Variants in CCDC6 observed in about 807,000 individuals in gnomAD.
CCDC6 encodes the protein coiled-coil domain containing 6.
CCDC6 carries 20 observed loss-of-function variants against 56.6 expected under a neutral mutation model. That is an observed-to-expected ratio of 0.35 (90% CI 0.25 to 0.51). The LOEUF is 0.51. Among genes scored for constraint, CCDC6 ranks in the 20% least tolerant of loss-of-function variants. The pLI is 0.95. For synonymous variants in CCDC6, 241 were observed against 234.4 expected, an observed-to-expected ratio of 1.03 and a Z score of -0.26; for missense variants, 367 against 601.1, an observed-to-expected ratio of 0.61 and a Z score of 4.07.
chr10:59,794,887 G>A (rs1039492476), intron 7 of CCDC6, among the ~76,000 whole-genome samples: 1 of 152,152 alleles, frequency 6.6e-6, no homozygotes, highest in African/African-American at 2.4e-5. Flanking sequence ...AACAGATGGT[G>A]TTGGGAAAAC....
intron 2 of CCDC6, among the ~76,000 whole-genome samples, chr10:59,841,205 T>C (rs1178934033): frequency 6.6e-6 from 1 of 152,148 alleles, no homozygotes; most frequent in Non-Finnish European, 1.5e-5. Context: ...GCAGGCACAA[T>C]CTTACTTCAA....
rs1390764439 is a variant in CCDC6, at chr10:59,792,454, T to C, written c.*463A>G. 1 of 436,520 alleles carries C rather than the reference T, an allele frequency of 2.3e-6. No individual in the cohort carries two copies. Among genetic ancestry groups the C allele is most frequent in the Non-Finnish European group, 4.3e-6 (1 of 231,324 alleles). 27.0% of individuals were successfully genotyped at this position (436,520 alleles called of 1,614,324 possible). A position where few individuals can be genotyped will look rare whatever the true frequency, so the allele number is the denominator to read the frequency against. On this transcript the variant is annotated 3_prime_UTR_variant, in exon 9 of 9. Coordinates refer to ENST00000263102, the MANE Select transcript of CCDC6 (RefSeq NM_005436.5). ...AAAGCCAGATTTTCAAAGGTCTGAA[T>C]TGTAGTGCTGAATTATTGGTATGTT...
chr10:59,870,490 T>C (rs904457636), intron 1 of CCDC6, among the ~76,000 whole-genome samples: 1 of 152,164 alleles, frequency 6.6e-6, no homozygotes, highest in South Asian at 2.1e-4. Flanking sequence ...GTCACCACTG[T>C]TGGATCATGA....
chr10:59,864,181 C>T (rs972788416), intron 1 of CCDC6, among the ~76,000 whole-genome samples: 3 of 152,112 alleles, frequency 2.0e-5, no homozygotes, highest in African/African-American at 7.2e-5. Context: ...GAAGAAAGTT[C>T]CCCCCACCTT....
rs76856655 is a variant in CCDC6 at position 59,842,676 on chromosome 10, G to C, written c.453+9877C>G. ...CCTTTTCTGAACTACACTTAAGTTTGAGCTTTGAAGGTTATGTTACCCTTA... is the reference window on the plus strand; with the variant it reads ...CCTTTTCTGAACTACACTTAAGTTTCAGCTTTGAAGGTTATGTTACCCTTA... On this transcript the variant is annotated intron_variant, in intron 2 of 8. Transcript: ENST00000263102. Among the ~76,000 whole-genome samples the C allele has an allele frequency of 5.9e-4, 90 of 151,600 alleles. 2 individuals are homozygous for C. The East Asian group carries it at 0.016, about 27-fold the overall frequency.
chr10:59,790,238 T>A lies in CCDC6; in HGVS notation c.*2679A>T, dbSNP rs2070455958. 1.4e-5 allele frequency: 3 copies of A among 217,914 alleles called. No homozygotes were observed. Among genetic ancestry groups the A allele is most frequent in the African/African-American group, 6.7e-5 (3 of 44,500 alleles). 13.5% of individuals were successfully genotyped at this position (217,914 alleles called of 1,614,324 possible). ...CAGCACAGTGGTAGCCAAGGGTCTC[T>A]GTCTGCAAGACAGGAAAATGAAGCT... is the stretch of plus-strand genomic sequence containing the variant. On this transcript the variant is annotated 3_prime_UTR_variant, in exon 9 of 9. Transcript: ENST00000263102.
chr10:59,792,175 AG>A lies in CCDC6; in HGVS notation c.*741del. The A allele has an allele frequency of 4.1e-6, 1 of 241,744 alleles. No homozygotes were observed. The highest frequency in any genetic ancestry group is 6.0e-5 in the East Asian group (1 of 16,612). The allele number at this position is 241,744 out of a possible 1,614,324, so 15.0% of individuals were successfully genotyped here. A position where few individuals can be genotyped will look rare whatever the true frequency, so the allele number is the denominator to read the frequency against. ...GACAACATTTATCGACTCATGTTAGAGGGGGCCAGGTTAAGTAGATTAACAT... is the reference window on the plus strand; with the variant it reads ...GACAACATTTATCGACTCATGTTAGAGGGGCCAGGTTAAGTAGATTAACAT... On this transcript the variant is annotated 3_prime_UTR_variant, in exon 9 of 9. Coordinates refer to ENST00000263102, the MANE Select transcript of CCDC6 (RefSeq NM_005436.5).
chr10:59,879,695 G>A (rs1379519148), intron 1 of CCDC6, among the ~76,000 whole-genome samples: 1 of 152,044 alleles, frequency 6.6e-6, no homozygotes, highest in Non-Finnish European at 1.5e-5. Flanking sequence ...TCACAGAATC[G>A]CTCCCACTTT....
intron 1 of CCDC6, among the ~76,000 whole-genome samples, chr10:59,860,761 A>G (rs923167431): frequency 4.6e-5 from 7 of 152,180 alleles, no homozygotes; most frequent in African/African-American, 1.7e-4. Flanking sequence ...TCCAGGCATA[A>G]AAACTACTGG....
At chr10:59,890,185 G>C (rs2071411335) in intron 1 of CCDC6, among the ~76,000 whole-genome samples, 1 of 152,144 alleles carries the variant, frequency 6.6e-6, no homozygotes, top group Non-Finnish European at 1.5e-5. Context: ...AGGCTGGCGA[G>C]GAAAGGAGAC....
At chr10:59,903,522 G>A (rs1380345759) in intron 1 of CCDC6, among the ~76,000 whole-genome samples, 3 of 152,258 alleles carry the variant, frequency 2.0e-5, no homozygotes, top group African/African-American at 7.2e-5. Context: ...TCCCCAGGGT[G>A]TGGCAAAAAG....
intron 1 of CCDC6, among the ~76,000 whole-genome samples, chr10:59,899,919 C>T (rs1177650441): frequency 6.6e-6 from 1 of 150,516 alleles, no homozygotes; most frequent in Non-Finnish European, 1.5e-5. Flanking sequence ...TGCATCCATT[C>T]ACATATCTGG....
intron 7 of CCDC6, among the ~76,000 whole-genome samples, chr10:59,801,205 G>T (rs1263558016): frequency 6.6e-6 from 1 of 152,002 alleles, no homozygotes; most frequent in Non-Finnish European, 1.5e-5. Flanking sequence ...AAAAAAAATT[G>T]TGGAAACAAA....
chr10:59,878,684 C>T (rs958411218), intron 1 of CCDC6, among the ~76,000 whole-genome samples: 1 of 152,098 alleles, frequency 6.6e-6, no homozygotes, highest in South Asian at 2.1e-4. Context: ...ACACACAAAC[C>T]CCTACCCCTT....
intron 1 of CCDC6, 92 bp downstream of exon 1, chr10:59,906,029 TG>T: frequency 9.1e-7 from 1 of 1,102,972 alleles, no homozygotes. Flanking sequence ...CCCGGGAATC[TG>T]GGGAAGACTT....
chr10:59,906,356 C>G lies in CCDC6; in HGVS notation c.69G>C (p.Met23Ile). Reference sequence around the variant, plus strand: ...CCGAGGTCGACGAGCAGGACGACTGCATGGCGGCCGAGCTGCTGCTGTTGC... The same window carrying G: ...CCGAGGTCGACGAGCAGGACGACTGGATGGCGGCCGAGCTGCTGCTGTTGC... The part of the protein sequence containing the change: ...AGGNSSSSAA[M>I]QSSCSSTSGG... The change falls in exon 1 of 9, where the codon ATG becomes ATC. Residue 23 changes from methionine to isoleucine, a missense_variant. Physicochemically the swap from Met to Ile is conservative, Grantham distance 10. This residue lies in a region of CCDC6 where 79 missense variants were observed against 74.9 expected (regional missense o/e 1.05). Coordinates refer to ENST00000263102, the MANE Select transcript of CCDC6 (RefSeq NM_005436.5). 2 of 1,596,416 alleles carry G rather than the reference C, an allele frequency of 1.3e-6. No homozygotes were observed. The highest frequency in any genetic ancestry group is 1.7e-6 in the Non-Finnish European group (2 of 1,178,372).
At chr10:59,828,572 C>T (rs1210137980) in intron 3 of CCDC6, among the ~76,000 whole-genome samples, 1 of 152,142 alleles carries the variant, frequency 6.6e-6, no homozygotes, top group African/African-American at 2.4e-5. Context: ...TTTCCAGGGT[C>T]TAAAAGACCA....
chr10:59,890,336 G>A (rs1003181082), intron 1 of CCDC6, among the ~76,000 whole-genome samples: 1 of 152,244 alleles, frequency 6.6e-6, no homozygotes. Flanking sequence ...GAGAGCCGCT[G>A]AGGAAGAAGT....
At position 59,906,505 on chromosome 10, in the gene CCDC6, C is replaced by T. The variant is rs1208487639; in HGVS notation, c.-81G>A. 26 of 1,254,112 alleles carry T rather than the reference C, an allele frequency of 2.1e-5. No homozygotes were observed. The highest frequency in any genetic ancestry group is 1.5e-4 in the East Asian group (5 of 34,482). 77.7% of individuals were successfully genotyped at this position (1,254,112 alleles called of 1,614,324 possible). On this transcript the variant is annotated 5_prime_UTR_variant, in exon 1 of 9. Coordinates refer to ENST00000263102, the MANE Select transcript of CCDC6 (RefSeq NM_005436.5). ...GGCCGGGCTGCGAATGAGTGGGCGC[C>T]GGGCGAGCACAGGGGAGCGCCGAGC... is the stretch of plus-strand genomic sequence containing the variant.
Sources: allele counts gnomAD v4.1 joint callset (sites outside exome capture counted in the v4.1 genomes callset), GRCh38; gene constraint gnomAD v4.1.1; regional missense constraint gnomAD v4.1.1; transcripts MANE v1.5; gene names NCBI Gene and HGNC (gene_info 2026-07-23, HGNC 2026-07-21).